Variants in KCNT2 observed in about 807,000 individuals in gnomAD.
The protein encoded by KCNT2 is potassium sodium-activated channel subfamily T member 2.
In KCNT2, 67 loss-of-function variants were observed where a neutral mutation model predicts 153.8. The ratio of observed to expected loss-of-function variants is 0.44; its 90% CI spans 0.36 to 0.53. KCNT2 has a LOEUF of 0.53. Ranked by LOEUF, KCNT2 falls within the 20% of genes least tolerant of loss-of-function variation. KCNT2 has a pLI of 0.00. For missense variants in KCNT2, 975 were observed against 1,354.8 expected (o/e 0.72, Z 4.40); for synonymous variants, 500 against 458.8 (o/e 1.09, Z -1.15).
Position 196,262,295 on chromosome 1 carries a change from G to A in KCNT2, c.2911-3801C>T, listed in dbSNP as rs79525578. Among the ~76,000 whole-genome samples the A allele has an allele frequency of 0.018, 2,789 of 151,862 alleles. 200 individuals carry two copies. In the East Asian group the frequency reaches 0.25, roughly 13 times the overall value. On this transcript the variant is annotated intron_variant, in intron 25 of 27. Transcript: ENST00000294725. ...ATTGAGCAATCTATAGAACAATGTA[G>A]TATTTTAAATAAATCAATTCACTTA... is the stretch of plus-strand genomic sequence containing the variant.
intron 22 of KCNT2, among the ~76,000 whole-genome samples, chr1:196,292,333 C>A (rs377475993): frequency 6.6e-6 from 1 of 152,124 alleles, no homozygotes. Context: ...ACATAATATA[C>A]GCCATGTATA....
intron 1 of KCNT2, among the ~76,000 whole-genome samples, chr1:196,565,504 T>C (rs936997605): frequency 6.6e-6 from 1 of 151,666 alleles, no homozygotes; most frequent in African/African-American, 2.4e-5. Context: ...TGTAGCATTA[T>C]TCACAATAGC....
intron 1 of KCNT2, among the ~76,000 whole-genome samples, chr1:196,503,099 T>C (rs1311884101): frequency 6.6e-6 from 1 of 151,838 alleles, no homozygotes; most frequent in East Asian, 1.9e-4. Flanking sequence ...ATACAGAATT[T>C]AGGCCTGTAA....
intron 12 of KCNT2, among the ~76,000 whole-genome samples, chr1:196,405,743 A>G (rs1671777638): frequency 6.6e-6 from 1 of 151,464 alleles, no homozygotes; most frequent in African/African-American, 2.4e-5. Flanking sequence ...TGATCTATTT[A>G]CCCTGCATAC....
rs571395914 is a variant in KCNT2 at position 196,270,674 on chromosome 1, C to A, written c.2910+10186G>T. Among the ~76,000 whole-genome samples the A allele has an allele frequency of 2.6e-5, 4 of 151,990 alleles. No homozygotes were observed. In the East Asian group the frequency reaches 7.7e-4, roughly 29 times the overall value. ...TGCAATTTATAATTTTCCAGAATTA[C>A]CAAAATATATAGTCTAAAGCAATGG... On this transcript the variant is annotated intron_variant, in intron 25 of 27. Transcript: ENST00000294725.
intron 12 of KCNT2, among the ~76,000 whole-genome samples, chr1:196,406,557 G>A (rs1158885381): frequency 2.0e-5 from 3 of 149,536 alleles, no homozygotes; most frequent in Non-Finnish European, 4.5e-5. Context: ...AGGCTCAACA[G>A]TGGCCTAGTC....
chr1:196,248,863 A>G (rs1655685601), intron 26 of KCNT2, among the ~76,000 whole-genome samples: 1 of 152,150 alleles, frequency 6.6e-6, no homozygotes, highest in Admixed American at 6.5e-5. Context: ...CAAACAAACA[A>G]AACTACAGGC....
intron 5 of KCNT2, among the ~76,000 whole-genome samples, chr1:196,476,346 T>G (rs1355039859): frequency 6.6e-6 from 1 of 152,182 alleles, no homozygotes; most frequent in Non-Finnish European, 1.5e-5. Flanking sequence ...TAATGAACAT[T>G]AAAGATAAGA....
chr1:196,583,628 G>C (rs960544456), intron 1 of KCNT2, among the ~76,000 whole-genome samples: 10 of 151,882 alleles, frequency 6.6e-5, no homozygotes, highest in African/African-American at 2.2e-4. Flanking sequence ...GGAGAACTAG[G>C]ATAAGATGAG....
chr1:196,230,478 A>G (rs1446494425), intron 27 of KCNT2, among the ~76,000 whole-genome samples: 1 of 152,052 alleles, frequency 6.6e-6, no homozygotes, highest in Non-Finnish European at 1.5e-5. Context: ...TTAGTATTGT[A>G]TCATTCTTGC....
At chr1:196,587,490 TA>T (rs1287143588) in intron 1 of KCNT2, among the ~76,000 whole-genome samples, 1 of 152,048 alleles carries the variant, frequency 6.6e-6, no homozygotes, top group Non-Finnish European at 1.5e-5. Flanking sequence ...ATTGCTACCA[TA>T]ATAATCATAC....
At chr1:196,427,038 T>C (rs1673716156) in intron 10 of KCNT2, among the ~76,000 whole-genome samples, 1 of 152,044 alleles carries the variant, frequency 6.6e-6, no homozygotes, top group African/African-American at 2.4e-5. Context: ...GGTAATTCTT[T>C]ATAGCAGTGT....
chr1:196,563,497 G>A (rs1021862636), intron 1 of KCNT2, among the ~76,000 whole-genome samples: 45 of 133,848 alleles, frequency 3.4e-4, no homozygotes, highest in African/African-American at 8.7e-4. Context: ...AAAAACAGAA[G>A]AGCAAATACT....
intron 5 of KCNT2, among the ~76,000 whole-genome samples, chr1:196,475,471 T>G (rs981003342): frequency 6.6e-6 from 1 of 151,940 alleles, no homozygotes; most frequent in African/African-American, 2.4e-5. Flanking sequence ...GATACAAATA[T>G]TAGCCGGGTG....
At chr1:196,372,124 T>G (rs76656727) in intron 14 of KCNT2, among the ~76,000 whole-genome samples, 1 of 152,028 alleles carries the variant, frequency 6.6e-6, no homozygotes, top group East Asian at 1.9e-4. Context: ...GTATATAGAA[T>G]AGAAATATTC....
At chr1:196,267,074 T>C (rs1238153425) in intron 25 of KCNT2, among the ~76,000 whole-genome samples, 1 of 152,184 alleles carries the variant, frequency 6.6e-6, no homozygotes, top group Non-Finnish European at 1.5e-5. Flanking sequence ...ATTCTCTACC[T>C]GACTACACAT....
At chr1:196,522,918 T>A (rs1196211995) in intron 1 of KCNT2, among the ~76,000 whole-genome samples, 1 of 152,190 alleles carries the variant, frequency 6.6e-6, no homozygotes, top group Non-Finnish European at 1.5e-5. Flanking sequence ...ATCAGCAGGA[T>A]GTGGGCAGGG....
chr1:196,543,179 A>T (rs1239456087), intron 1 of KCNT2, among the ~76,000 whole-genome samples: 1 of 152,192 alleles, frequency 6.6e-6, no homozygotes, highest in Non-Finnish European at 1.5e-5. Context: ...AGCTTTATGC[A>T]TGAGAAATTT....
At chr1:196,533,085 G>A (rs554237416) in intron 1 of KCNT2, among the ~76,000 whole-genome samples, 4 of 152,192 alleles carry the variant, frequency 2.6e-5, no homozygotes, top group African/African-American at 9.6e-5. Flanking sequence ...TAATATAAAC[G>A]ATGTATGAAA....
Sources: allele counts gnomAD v4.1 joint callset (sites outside exome capture counted in the v4.1 genomes callset), GRCh38; gene constraint gnomAD v4.1.1; transcripts MANE v1.5; gene names NCBI Gene and HGNC (gene_info 2026-07-23, HGNC 2026-07-21).